Variants in ZMIZ2 observed in about 807,000 individuals in gnomAD.
ZMIZ2 encodes the protein zinc finger MIZ-type containing 2.
ZMIZ2 carries 26 observed loss-of-function variants against 93.9 expected under a neutral mutation model. That is an observed-to-expected ratio of 0.28 (90% CI 0.20 to 0.38). ZMIZ2 has a LOEUF of 0.38. ZMIZ2 is among the 10% of genes least tolerant of loss of function. The probability of loss-of-function intolerance (pLI) is 1.00; values close to 1 mark genes in which losing one functional copy is unlikely to be tolerated. For missense variants in ZMIZ2, 1,023 were observed against 1,235.0 expected, an observed-to-expected ratio of 0.83 and a Z score of 2.57; for synonymous variants, 485 against 516.4, an observed-to-expected ratio of 0.94 and a Z score of 0.82.
In ZMIZ2 at chr7:44,758,306, C is replaced by T. The variant is rs566633148; in HGVS notation, c.813+198C>T. On this transcript the variant is annotated intron_variant, in intron 6 of 18. Coordinates refer to ENST00000309315, the MANE Select transcript of ZMIZ2 (RefSeq NM_031449.4). ...ACCAGCCTGGGCAACATGGCGAAAC[C>T]GTGTCTCTACAAAAATTAGCCTGGT... Among the ~76,000 whole-genome samples, 68 of 152,004 alleles carry T rather than the reference C, an allele frequency of 4.5e-4. No individual in the cohort carries two copies. The South Asian group carries it at 0.013, about 30-fold the overall frequency.
rs1385223224 is a variant in ZMIZ2 at position 44,759,309 on chromosome 7, G to A, written c.842G>A (p.Gly281Glu). 6.4e-7 allele frequency: 1 copy of A among 1,574,428 alleles called. No homozygotes were observed. The stretch of plus-strand genomic sequence containing the variant: ...TATCCAGGGCAGCAGTATCTGCAAG[G>A]AGGCCAGTATGCACCCAGCACCGCC... The part of the protein sequence containing the change: ...EVYPGQQYLQ[G>E]GQYAPSTAQF... Residue 281 changes from glycine to glutamate, a missense_variant, in exon 7 of 19, where the codon GGA becomes GAA. By Grantham distance (98) the Gly-to-Glu change is moderately conservative. Coordinates refer to ENST00000309315, the MANE Select transcript of ZMIZ2 (RefSeq NM_031449.4).
Position 44,757,034 on chromosome 7 carries a change from T to A in ZMIZ2, c.253T>A (p.Ser85Thr). 2 of 1,611,768 alleles carry A rather than the reference T, an allele frequency of 1.2e-6. No individual in the cohort carries two copies. The highest frequency in any genetic ancestry group is 1.7e-6 in the Non-Finnish European group (2 of 1,179,206). Residue 85 changes from serine (S) to threonine (T), a missense_variant, in exon 4 of 19, where the codon TCC (serine) becomes ACC (threonine). Around this residue, in one of 3 missense-constraint regions of ZMIZ2, gnomAD observed 656 missense variants for 777.1 expected, o/e 0.84. Coordinates refer to ENST00000309315, the MANE Select transcript of ZMIZ2 (RefSeq NM_031449.4). ...GGCAGGGGGCAGCTCCGCCTTGACC[T>A]CCCCACAGTGCCTGGGACAGCAGGC... Reference protein sequence around the residue: ...GVAGGSSALTSPQCLGQQAFA... With the variant: ...GVAGGSSALTTPQCLGQQAFA...
At position 44,765,320 on chromosome 7, in the gene ZMIZ2, C is replaced by A; in HGVS notation, c.1998-15C>A. ...CAGGCCAGGAGGTAACCATTCCCCACCTGTCCCTGCCCAGCTCTGACTATG... is the reference window on the plus strand; with the variant it reads ...CAGGCCAGGAGGTAACCATTCCCCAACTGTCCCTGCCCAGCTCTGACTATG... On this transcript the variant is annotated splice_polypyrimidine_tract_variant and intron_variant, in intron 15 of 18. Coordinates refer to ENST00000309315, the MANE Select transcript of ZMIZ2 (RefSeq NM_031449.4). The surrounding 1 kb of genome is among the most constrained non-coding windows in gnomAD (Gnocchi z 4.1). The A allele has an allele frequency of 6.2e-7, 1 of 1,611,138 alleles. No homozygotes were observed. The highest frequency in any genetic ancestry group is 8.5e-7 in the Non-Finnish European group (1 of 1,178,588).
chr7:44,762,041 C>G (rs890845351), intron 11 of ZMIZ2, 136 bp downstream of exon 11: 37 of 1,177,318 alleles, frequency 3.1e-5, no homozygotes, highest in Non-Finnish European at 4.2e-5. Flanking sequence ...GGAGCCAGGA[C>G]ATGGGCGGGC....
chr7:44,764,369 C>T (rs1319254543), intron 13 of ZMIZ2, 50 bp from the exon 14 acceptor site: 12 of 1,581,642 alleles, frequency 7.6e-6, no homozygotes, highest in Admixed American at 1.7e-5. Context: ...ACCAGATTTT[C>T]CCTGTGCTAC....
chr7:44,761,568 T>A lies in ZMIZ2; in HGVS notation c.1360T>A (p.Ser454Thr), dbSNP rs1350767422. ...CAACCATGTCTTCCAGCTGCGAGAC[T>A]CAGTCTACAAGACCCTGATAATGAG... ...VSNHVFQLRDSVYKTLIMRPD... is the reference protein window; with the variant it reads ...VSNHVFQLRDTVYKTLIMRPD... Residue 454 changes from serine to threonine, a missense_variant, in exon 10 of 19, where the codon TCA becomes ACA. This residue lies in a region of ZMIZ2 where 656 missense variants were observed against 777.1 expected (regional missense o/e 0.84). Coordinates refer to ENST00000309315, the MANE Select transcript of ZMIZ2 (RefSeq NM_031449.4). The surrounding 1 kb of genome is among the most constrained non-coding windows in gnomAD (Gnocchi z 5.8). 2 of 1,613,998 alleles carry A rather than the reference T, an allele frequency of 1.2e-6. No homozygotes were observed. Among genetic ancestry groups the A allele is most frequent in the Admixed American group, 1.7e-5 (1 of 60,028 alleles).
At chr7:44,760,657 G>A in intron 9 of ZMIZ2, 64 bp downstream of exon 9, 1 of 1,587,310 alleles carries the variant, frequency 6.3e-7, no homozygotes, top group South Asian at 1.1e-5. Context: ...GGGAATCACA[G>A]GACTCCAGAG....
intron 14 of ZMIZ2, 104 bp from the exon 15 acceptor site, chr7:44,764,837 G>T: frequency 8.2e-7 from 1 of 1,212,864 alleles, no homozygotes; most frequent in Non-Finnish European, 1.2e-6. Context: ...ACACAGGATT[G>T]CCTCATGCAG....
chr7:44,752,942 C>T (rs799452), intron 1 of ZMIZ2, among the ~76,000 whole-genome samples: 96,299 of 152,096 alleles, frequency 0.63, 31,729 homozygotes, highest in East Asian at 0.81. Flanking sequence ...CAGACTGTTT[C>T]CCAGAGTGGC....
intron 1 of ZMIZ2, among the ~76,000 whole-genome samples, chr7:44,752,892 A>C (rs907749883): frequency 6.6e-6 from 1 of 152,372 alleles, no homozygotes; most frequent in Middle Eastern, 3.4e-3. Context: ...TTGCTGGGTC[A>C]TAGTAGGGTA....
Position 44,763,825 on chromosome 7 carries a change from C to G in ZMIZ2, c.1860+412C>G, listed in dbSNP as rs1791437680. On this transcript the variant is annotated intron_variant, in intron 13 of 18. Transcript: ENST00000309315. The surrounding 1 kb of genome is among the most constrained non-coding windows in gnomAD (Gnocchi z 5.6). ...TCCCTATTGCACAAACTGCTCTGTG[C>G]TGTCGTTTTTCTTCTTTTAACACCA... 5.3e-6 allele frequency: 1 copy of G among 190,200 alleles called. No homozygotes were observed. The highest frequency in any genetic ancestry group is 2.4e-5 in the African/African-American group (1 of 42,350). The allele number at this position is 190,200 out of a possible 1,614,324, so 11.8% of individuals were successfully genotyped here.
At position 44,759,308 on chromosome 7, in the gene ZMIZ2, G is replaced by A; in HGVS notation, c.841G>A (p.Gly281Arg). 1 of 1,571,758 alleles carries A rather than the reference G, an allele frequency of 6.4e-7. No homozygotes were observed. Among genetic ancestry groups the A allele is most frequent in the Non-Finnish European group, 8.6e-7 (1 of 1,159,922 alleles). ...GTATCCAGGGCAGCAGTATCTGCAAGGAGGCCAGTATGCACCCAGCACCGC... is the reference window on the plus strand; with the variant it reads ...GTATCCAGGGCAGCAGTATCTGCAAAGAGGCCAGTATGCACCCAGCACCGC... The part of the protein sequence containing the change: ...EVYPGQQYLQ[G>R]GQYAPSTAQF... Residue 281 changes from glycine to arginine, a missense_variant, in exon 7 of 19, where the codon GGA (glycine) becomes AGA (arginine). Transcript: ENST00000309315.
chr7:44,757,691 G>C, intron 5 of ZMIZ2, 130 bp downstream of exon 5: 1 of 1,423,892 alleles, frequency 7.0e-7, no homozygotes, highest in Non-Finnish European at 9.3e-7. Flanking sequence ...GTAAAAGAGA[G>C]ATGTGTGGGA....
At chr7:44,756,139 G>C (rs1790566789) in intron 1 of ZMIZ2, 49 bp from the exon 2 acceptor site, 5 of 1,499,250 alleles carry the variant, frequency 3.3e-6, no homozygotes, top group Non-Finnish European at 4.6e-6. Context: ...CTGCTGAAAG[G>C]GTCTCCTGGC....
In ZMIZ2 at chr7:44,762,933, T is replaced by C; in HGVS notation, c.1649T>C (p.Leu550Pro). 1 of 1,613,696 alleles carries C rather than the reference T, an allele frequency of 6.2e-7. No homozygotes were observed. The highest frequency in any genetic ancestry group is 1.1e-5 in the South Asian group (1 of 91,078). Residue 550 changes from leucine (L) to proline (P), a missense_variant, in exon 12 of 19, where the codon CTG becomes CCG. Physicochemically the swap from Leu to Pro is moderately conservative, Grantham distance 98 (BLOSUM62 -3). Around this residue, in one of 3 missense-constraint regions of ZMIZ2, gnomAD observed 656 missense variants for 777.1 expected, o/e 0.84. Coordinates refer to ENST00000309315, the MANE Select transcript of ZMIZ2 (RefSeq NM_031449.4). Reference sequence around the variant, plus strand: ...CACCGCCCATCCGTCCGCTCGGTGCTGCAGGGCCTCCTCAAAAAGCGCCTC... The same window carrying C: ...CACCGCCCATCCGTCCGCTCGGTGCCGCAGGGCCTCCTCAAAAAGCGCCTC... ...LVHRPSVRSV[L>P]QGLLKKRLLP...
At chr7:44,748,765 CG>C (rs1789849028), upstream of ZMIZ2, 1 of 151,496 alleles carries the variant, frequency 6.6e-6, no homozygotes, top group South Asian at 1.9e-4. Context: ...AGCGCCGGCT[CG>C]GGGCTCTGCT....
At chr7:44,758,655 G>A (rs1450118758) in intron 6 of ZMIZ2, among the ~76,000 whole-genome samples, 33 of 151,910 alleles carry the variant, frequency 2.2e-4, no homozygotes, top group Admixed American at 2.2e-3. Flanking sequence ...GCTCACGCCT[G>A]TAATCTCAGC....
chr7:44,759,508 T>A, intron 7 of ZMIZ2, 48 bp downstream of exon 7: 1 of 1,365,910 alleles, frequency 7.3e-7, no homozygotes, highest in Non-Finnish European at 9.5e-7. Flanking sequence ...TGCTGAGTGC[T>A]GTGGGACAGG....
In ZMIZ2 at chr7:44,765,003, T is replaced by G; in HGVS notation, c.1991T>G (p.Ile664Ser). ...TACATGCTGGGCATCCTGATTTACA[T>G]TCAGAAGTAAGCATCCTCTTCCTGT... ...DQYMLGILIY[I>S]QNSDYEEITI... Residue 664 changes from isoleucine (I) to serine (S), a missense_variant, in exon 15 of 19, where the codon ATT becomes AGT. Coordinates refer to ENST00000309315, the MANE Select transcript of ZMIZ2 (RefSeq NM_031449.4). The surrounding 1 kb of genome is among the most constrained non-coding windows in gnomAD (Gnocchi z 4.1). 6.2e-7 allele frequency: 1 copy of G among 1,614,224 alleles called. No homozygotes were observed. Among genetic ancestry groups the G allele is most frequent in the Non-Finnish European group, 8.5e-7 (1 of 1,180,032 alleles).
Sources: gnomAD v4.1 joint callset for allele counts (sites outside exome capture counted in the v4.1 genomes callset) on GRCh38, gnomAD v4.1.1 for gene constraint, gnomAD v4.1.1 regional missense constraint, Gnocchi (gnomAD v3.1) non-coding constraint, MANE v1.5 for transcripts, NCBI Gene and HGNC (gene_info 2026-07-23, HGNC 2026-07-21) for gene names.